Variants in KCNIP4 observed in about 807,000 individuals in gnomAD.
The protein encoded by KCNIP4 is Kv channel-interacting protein 4.
In KCNIP4, 12 loss-of-function variants were observed where a neutral mutation model predicts 34.0. The ratio of observed to expected loss-of-function variants is 0.35; its 90% CI spans 0.23 to 0.57. The LOEUF (loss-of-function observed/expected upper bound fraction) is 0.57, where lower values mean the gene tolerates loss of function less well. KCNIP4 is among the 20% of genes least tolerant of loss of function. The probability of loss-of-function intolerance (pLI) is 0.83; values close to 1 mark genes in which losing one functional copy is unlikely to be tolerated. For missense variants in KCNIP4, 238 were observed against 311.7 expected, an observed-to-expected ratio of 0.76 and a Z score of 1.78; for synonymous variants, 124 against 102.2, an observed-to-expected ratio of 1.21 and a Z score of -1.29.
At chr4:20,753,523 T>C (rs1467542852) in intron 4 of KCNIP4, among the ~76,000 whole-genome samples, 1 of 152,204 alleles carries the variant, frequency 6.6e-6, no homozygotes, top group Non-Finnish European at 1.5e-5. Flanking sequence ...ACAAACACAC[T>C]TGATTATCAT....
intron 1 of KCNIP4, among the ~76,000 whole-genome samples, chr4:21,466,221 C>A (rs940318638): frequency 6.6e-6 from 1 of 152,140 alleles, no homozygotes; most frequent in African/African-American, 2.4e-5. Flanking sequence ...TCTGCCCAGT[C>A]AAATTATGAA....
At chr4:21,760,648 CT>C (rs1717986617) in intron 1 of KCNIP4, among the ~76,000 whole-genome samples, 1 of 151,422 alleles carries the variant, frequency 6.6e-6, no homozygotes, top group Non-Finnish European at 1.5e-5. Context: ...CTGTTTTCTC[CT>C]CTGTAAATCA....
At chr4:20,925,021 T>C (rs1729757315) in intron 1 of KCNIP4, among the ~76,000 whole-genome samples, 1 of 150,170 alleles carries the variant, frequency 6.7e-6, no homozygotes, top group Admixed American at 6.7e-5. Flanking sequence ...TAAAATGATT[T>C]GCTAAATTAT....
intron 1 of KCNIP4, among the ~76,000 whole-genome samples, chr4:21,668,515 G>A (rs1319007257): frequency 6.6e-6 from 1 of 152,056 alleles, no homozygotes; most frequent in Non-Finnish European, 1.5e-5. Flanking sequence ...TTAGAACTAA[G>A]TTCTGAATTG....
rs112186886 is a variant in KCNIP4 at position 21,679,888 on chromosome 4, T to A, written c.61+268683A>T. Among the ~76,000 whole-genome samples the A allele has an allele frequency of 1.4e-4, 21 of 152,332 alleles. 1 individual carries two copies. The highest frequency in any genetic ancestry group is 4.6e-4 in the African/African-American group (19 of 41,580). ...TATTGCTAAAAAATGCTAACTATCA[T>A]CTGAGCCTTCAGTGAGAAGTAATTT... On this transcript the variant is annotated intron_variant, in intron 1 of 8. Transcript: ENST00000382152.
chr4:21,831,364 ATT>A (rs1177895941), intron 1 of KCNIP4, among the ~76,000 whole-genome samples: 1 of 152,006 alleles, frequency 6.6e-6, no homozygotes, highest in Non-Finnish European at 1.5e-5. Context: ...TAAACCAAGA[ATT>A]GGTTTTTTGA....
intron 1 of KCNIP4, among the ~76,000 whole-genome samples, chr4:21,417,065 C>T (rs1288175179): frequency 6.6e-6 from 1 of 152,194 alleles, no homozygotes. Flanking sequence ...AGCCTCCACT[C>T]TTGGAAAATC....
At chr4:20,757,024 C>T (rs1394432868) in intron 4 of KCNIP4, among the ~76,000 whole-genome samples, 2 of 152,066 alleles carry the variant, frequency 1.3e-5, no homozygotes, top group African/African-American at 4.8e-5. Flanking sequence ...ACATTTGTGC[C>T]AACTTCTTGT....
At chr4:21,187,030 T>C (rs1335045167) in intron 1 of KCNIP4, among the ~76,000 whole-genome samples, 1 of 152,240 alleles carries the variant, frequency 6.6e-6, no homozygotes, top group Non-Finnish European at 1.5e-5. Flanking sequence ...CATTTTCTTT[T>C]TCCTGAACTC....
chr4:20,770,227 T>A (rs1031116658), intron 3 of KCNIP4, among the ~76,000 whole-genome samples: 5 of 152,212 alleles, frequency 3.3e-5, no homozygotes, highest in Non-Finnish European at 7.3e-5. Context: ...TCTTGGCACC[T>A]GCCATAGTTT....
intron 1 of KCNIP4, among the ~76,000 whole-genome samples, chr4:21,592,976 T>C (rs746545878): frequency 3.3e-5 from 5 of 152,126 alleles, no homozygotes; most frequent in Non-Finnish European, 5.9e-5. Flanking sequence ...GAAAAACTTA[T>C]GAGTTTATTG....
At position 21,070,824 on chromosome 4, in the gene KCNIP4, G is replaced by A. The variant is rs374172144; in HGVS notation, c.62-188115C>T. ...CTGAGTAGCTGGGACTATAGGCGCC[G>A]GCTACCATGCACGGCTAATTTTTTG... On this transcript the variant is annotated intron_variant, in intron 1 of 8. Transcript: ENST00000382152. Among the ~76,000 whole-genome samples, 94 of 151,092 alleles carry A rather than the reference G, an allele frequency of 6.2e-4. No homozygotes were observed. The East Asian group carries it at 7.3e-3, about 12-fold the overall frequency.
intron 1 of KCNIP4, among the ~76,000 whole-genome samples, chr4:21,841,984 T>TCC (rs1723713166): frequency 6.6e-6 from 1 of 152,132 alleles, no homozygotes; most frequent in African/African-American, 2.4e-5. Flanking sequence ...CTGGAAATGC[T>TCC]CCTCCTTTTT....
chr4:20,951,931 A>T (rs935186837), intron 1 of KCNIP4, among the ~76,000 whole-genome samples: 1 of 152,224 alleles, frequency 6.6e-6, no homozygotes, highest in African/African-American at 2.4e-5. Flanking sequence ...ATTTGTTAAA[A>T]GGCAAAGTTG....
chr4:20,937,229 T>A (rs1242003676), intron 1 of KCNIP4, among the ~76,000 whole-genome samples: 2 of 113,508 alleles, frequency 1.8e-5, no homozygotes, highest in Non-Finnish European at 3.5e-5. Flanking sequence ...AGTCTTTTTT[T>A]TTTTTTTTTT....
In KCNIP4 at chr4:21,697,466, G is replaced by C. The variant is rs1272529; in HGVS notation, c.61+251105C>G. 1.4e-4 allele frequency: 208 copies of C among 1,533,996 alleles called. 1 individual carries two copies. The highest frequency in any genetic ancestry group is 1.7e-4 in the Non-Finnish European group (198 of 1,152,834). On this transcript the variant is annotated intron_variant, in intron 1 of 8. Coordinates refer to ENST00000382152, the MANE Select transcript of KCNIP4 (RefSeq NM_025221.6). ...AAGCAACAAGGTATTCCTCTGAGGA[G>C]AGCCAGAAGTCTTTGCCAATAATAA...
chr4:20,874,632 T>A (rs1378186295), intron 2 of KCNIP4, among the ~76,000 whole-genome samples: 3 of 152,052 alleles, frequency 2.0e-5, no homozygotes, highest in Non-Finnish European at 1.5e-5. Flanking sequence ...AACCCGCAAT[T>A]TTCCTTTTTT....
At chr4:20,967,973 T>C (rs977430115) in intron 1 of KCNIP4, among the ~76,000 whole-genome samples, 17 of 152,254 alleles carry the variant, frequency 1.1e-4, no homozygotes, top group African/African-American at 4.1e-4. Context: ...CAAAAGAAAC[T>C]ATCATCAGAG....
At chr4:21,356,737 C>T (rs184393442) in intron 1 of KCNIP4, among the ~76,000 whole-genome samples, 4 of 152,144 alleles carry the variant, frequency 2.6e-5, no homozygotes, top group Admixed American at 2.0e-4. Context: ...AATGGCCATA[C>T]TGCCCAAGGT....
Sources: gnomAD v4.1 joint callset for allele counts (sites outside exome capture counted in the v4.1 genomes callset) on GRCh38, gnomAD v4.1.1 for gene constraint, MANE v1.5 for transcripts, NCBI Gene and HGNC (gene_info 2026-07-23, HGNC 2026-07-21) for gene names.